PTPRD: variants seen among roughly 807,000 people sequenced by gnomAD.
PTPRD encodes receptor-type tyrosine-protein phosphatase delta.
In PTPRD, 34 loss-of-function variants were observed where a neutral mutation model predicts 214.5. The ratio of observed to expected loss-of-function variants is 0.16; its 90% CI spans 0.12 to 0.21. The LOEUF is 0.21. Among genes scored for constraint, PTPRD ranks in the 10% least tolerant of loss-of-function variants. The pLI is 1.00. For synonymous variants in PTPRD, 1,128 were observed against 845.7 expected (o/e 1.33, Z -5.79); for missense variants, 2,545 against 2,398.7 (o/e 1.06, Z -1.27).
chr9:9,956,064 T>A (rs1014680916), intron 4 of PTPRD, among the ~76,000 whole-genome samples: 4 of 152,152 alleles, frequency 2.6e-5, no homozygotes, highest in African/African-American at 7.2e-5. Context: ...ACGTGTTAAA[T>A]GCAAGCTTTT....
At chr9:8,513,346 T>C (rs1013921016) in intron 21 of PTPRD, among the ~76,000 whole-genome samples, 3 of 152,060 alleles carry the variant, frequency 2.0e-5, no homozygotes, top group African/African-American at 4.8e-5. Flanking sequence ...CCTTCACTTA[T>C]GTCCATCTGT....
At chr9:9,047,949 C>T (rs1171909379) in intron 10 of PTPRD, among the ~76,000 whole-genome samples, 1 of 152,018 alleles carries the variant, frequency 6.6e-6, no homozygotes. Context: ...AGAAACCTCA[C>T]AGAATGGGAG....
At chr9:9,516,415 C>T (rs919355195) in intron 8 of PTPRD, among the ~76,000 whole-genome samples, 2 of 151,822 alleles carry the variant, frequency 1.3e-5, no homozygotes, top group Non-Finnish European at 2.9e-5. Context: ...GAACACCTTA[C>T]ATAAAAGATT....
At chr9:8,618,068 A>G (rs1280819207) in intron 14 of PTPRD, among the ~76,000 whole-genome samples, 11 of 152,108 alleles carry the variant, frequency 7.2e-5, no homozygotes, top group Admixed American at 7.2e-4. Flanking sequence ...TAGAACTGTG[A>G]GGATCTTCTC....
At chr9:10,212,207 T>C (rs879780851) in intron 3 of PTPRD, among the ~76,000 whole-genome samples, 1 of 152,028 alleles carries the variant, frequency 6.6e-6, no homozygotes, top group Non-Finnish European at 1.5e-5. Flanking sequence ...AGTAGCCTTC[T>C]TAGATGAATA....
intron 14 of PTPRD, among the ~76,000 whole-genome samples, chr9:8,558,959 CAAAAT>C (rs1286318273): frequency 6.6e-6 from 1 of 152,078 alleles, no homozygotes; most frequent in Non-Finnish European, 1.5e-5. Flanking sequence ...CAAAAACACT[CAAAAT>C]AATAATATTC....
chr9:9,311,303 A>G (rs1222270133), intron 9 of PTPRD, among the ~76,000 whole-genome samples: 1 of 152,180 alleles, frequency 6.6e-6, no homozygotes, highest in Non-Finnish European at 1.5e-5. Context: ...AAATCATTAT[A>G]TTATGTTGTC....
chr9:8,385,284 T>TG (rs1210538324), intron 37 of PTPRD, among the ~76,000 whole-genome samples: 1 of 152,098 alleles, frequency 6.6e-6, no homozygotes, highest in Non-Finnish European at 1.5e-5. Context: ...CCAAACACTT[T>TG]GGGGGGCCAA....
At chr9:9,058,503 C>T (rs1204862662) in intron 10 of PTPRD, among the ~76,000 whole-genome samples, 4 of 123,244 alleles carry the variant, frequency 3.2e-5, no homozygotes, top group African/African-American at 1.2e-4. Flanking sequence ...GGCTGGAGTG[C>T]AGAGGCGCGA....
intron 8 of PTPRD, among the ~76,000 whole-genome samples, chr9:9,448,021 G>A (rs926734116): frequency 1.3e-5 from 2 of 152,020 alleles, no homozygotes; most frequent in African/African-American, 4.8e-5. Flanking sequence ...CTGAAAAGAG[G>A]AGTAGCACGA....
intron 2 of PTPRD, among the ~76,000 whole-genome samples, chr9:10,500,421 T>C (rs2043300974): frequency 6.6e-6 from 1 of 151,960 alleles, no homozygotes; most frequent in African/African-American, 2.4e-5. Flanking sequence ...TTTTTAATTT[T>C]TGTGAATACA....
intron 19 of PTPRD, among the ~76,000 whole-genome samples, chr9:8,522,588 A>G (rs1016329839): frequency 2.0e-5 from 3 of 152,232 alleles, no homozygotes; most frequent in Admixed American, 1.3e-4. Context: ...AGGACATGAC[A>G]TTAAGAGAAG....
intron 8 of PTPRD, among the ~76,000 whole-genome samples, chr9:9,425,645 T>C (rs2080575274): frequency 6.6e-6 from 1 of 151,572 alleles, no homozygotes; most frequent in Non-Finnish European, 1.5e-5. Flanking sequence ...AACCATGCCA[T>C]GAACTTACAT....
intron 5 of PTPRD, among the ~76,000 whole-genome samples, chr9:9,918,144 T>C (rs908782704): frequency 1.3e-4 from 19 of 151,996 alleles, no homozygotes; most frequent in African/African-American, 2.4e-4. Context: ...ATTTTGTACA[T>C]AGAAAAATCT....
intron 2 of PTPRD, among the ~76,000 whole-genome samples, chr9:10,414,302 A>T (rs2098466369): frequency 6.6e-6 from 1 of 152,070 alleles, no homozygotes; most frequent in Non-Finnish European, 1.5e-5. Flanking sequence ...ACTTTTCAAA[A>T]GAAGACATAC....
At chr9:10,078,061 G>A (rs1384089686) in intron 3 of PTPRD, among the ~76,000 whole-genome samples, 1 of 151,960 alleles carries the variant, frequency 6.6e-6, no homozygotes, top group Non-Finnish European at 1.5e-5. Flanking sequence ...AGTGGCTGGA[G>A]ATGGAATAAT....
intron 2 of PTPRD, among the ~76,000 whole-genome samples, chr9:10,377,289 T>TTTA (rs576042991): frequency 1.5e-4 from 22 of 151,702 alleles, no homozygotes; most frequent in Middle Eastern, 3.4e-3. Context: ...CACATTTTCT[T>TTTA]TTATTATTAT....
At chr9:10,438,030 G>C (rs1391546227) in intron 2 of PTPRD, among the ~76,000 whole-genome samples, 1 of 123,650 alleles carries the variant, frequency 8.1e-6, no homozygotes. Context: ...TATATATATA[G>C]TGAAGGGTCA....
At chr9:8,674,201 T>C (rs1408040205) in intron 12 of PTPRD, among the ~76,000 whole-genome samples, 2 of 152,188 alleles carry the variant, frequency 1.3e-5, no homozygotes, top group African/African-American at 4.8e-5. Context: ...GGCTCATGCC[T>C]GTAATCCCGG....
Sources: gnomAD v4.1 joint callset for allele counts (sites outside exome capture counted in the v4.1 genomes callset) on GRCh38, gnomAD v4.1.1 for gene constraint, MANE v1.5 for transcripts, NCBI Gene and HGNC (gene_info 2026-07-23, HGNC 2026-07-21) for gene names.